Variants in PKP4 observed in about 807,000 individuals in gnomAD.
PKP4 encodes the protein plakophilin-4.
Under a neutral mutation model 145.1 loss-of-function variants are expected in PKP4, and 90 were observed. That is an observed-to-expected ratio of 0.62 (90% CI 0.52 to 0.74). The LOEUF (loss-of-function observed/expected upper bound fraction) is 0.74. PKP4 is among the 30% of genes least tolerant of loss of function. PKP4 has a pLI of 0.00. For synonymous variants in PKP4, 563 were observed against 577.2 expected, an observed-to-expected ratio of 0.98 and a Z score of 0.35; for missense variants, 1,340 against 1,482.7, an observed-to-expected ratio of 0.90 and a Z score of 1.58.
chr2:158,570,287 A>G (rs2047314667), intron 2 of PKP4, among the ~76,000 whole-genome samples: 1 of 152,206 alleles, frequency 6.6e-6, no homozygotes, highest in African/African-American at 2.4e-5. Context: ...GTAGTTCTTA[A>G]ATATTTGTTT....
rs559123832 is a variant in PKP4 at position 158,614,587 on chromosome 2, A to G, written c.281-6403A>G. Among the ~76,000 whole-genome samples, 6 of 152,332 alleles carry G rather than the reference A, an allele frequency of 3.9e-5. No individual in the cohort carries two copies. The South Asian group carries it at 1.0e-3, about 26-fold the overall frequency. ...AGTTTAGAACGATAGATGTCTCAAT[A>G]TGTTTATCGTGGGCCACCACCAAAT... On this transcript the variant is annotated intron_variant, in intron 4 of 21. Coordinates refer to ENST00000389759, the MANE Select transcript of PKP4 (RefSeq NM_003628.6).
At chr2:158,548,225 A>G (rs1004309948) in intron 2 of PKP4, among the ~76,000 whole-genome samples, 1 of 152,222 alleles carries the variant, frequency 6.6e-6, no homozygotes, top group Admixed American at 6.5e-5. Context: ...TGGAAATAAC[A>G]TCTTATGCTT....
intron 1 of PKP4, among the ~76,000 whole-genome samples, chr2:158,484,114 C>A (rs1693800140): frequency 6.7e-6 from 1 of 148,154 alleles, no homozygotes; most frequent in Non-Finnish European, 1.5e-5. Context: ...GTGGCGCAAT[C>A]TCGGCTCACT....
intron 19 of PKP4, among the ~76,000 whole-genome samples, chr2:158,674,603 A>T (rs538438613): frequency 4.6e-5 from 7 of 152,238 alleles, no homozygotes; most frequent in African/African-American, 1.7e-4. Context: ...TTGATTTTTA[A>T]GTTGGGAATC....
Position 158,640,748 on chromosome 2 carries a change from G to C in PKP4, c.1684G>C (p.Val562Leu). Residue 562 changes from valine to leucine, a missense_variant, in exon 10 of 22, where the codon GTG (valine) becomes CTG (leucine). Physicochemically the swap from Val to Leu is conservative, Grantham distance 32. Transcript: ENST00000389759. ...LQHLCFGDNK[V>L]KMEVCRLGGI... is the part of the protein sequence containing the mutation. ...GCACCTGTGCTTTGGTGACAACAAA[G>C]TGAAGATGGAGGTACAGGACATGGT... 6.2e-7 allele frequency: 1 copy of C among 1,614,132 alleles called. No individual in the cohort carries two copies. The highest frequency in any genetic ancestry group is 8.5e-7 in the Non-Finnish European group (1 of 1,179,978).
intron 2 of PKP4, among the ~76,000 whole-genome samples, chr2:158,543,539 A>G (rs563549936): frequency 1.3e-5 from 2 of 152,346 alleles, no homozygotes; most frequent in Non-Finnish European, 2.9e-5. Flanking sequence ...GCTTTCAGTC[A>G]TCAAGAAAAG....
At chr2:158,662,324 T>C (rs1231617223) in intron 13 of PKP4, 1 of 152,248 alleles carries the variant, frequency 6.6e-6, no homozygotes, top group African/African-American at 2.4e-5. Flanking sequence ...AATGCTGAAC[T>C]TGGTTTTAGA....
intron 2 of PKP4, among the ~76,000 whole-genome samples, chr2:158,565,435 C>CT (rs10690465): frequency 0.035 from 4,737 of 135,718 alleles, 188 homozygotes; most frequent in East Asian, 0.14. Flanking sequence ...TTCTTTTTTC[C>CT]TTTTTTTTTT....
rs779003658 is a variant in PKP4 at position 158,625,129 on chromosome 2, A to G, written c.855A>G (p.Ile285Met). Reference protein sequence around the residue: ...YSQRPASPTAIRRIGSVTSRQ... With the variant: ...YSQRPASPTAMRRIGSVTSRQ... ...AGAGACCCGCCTCCCCAACAGCTAT[A>G]CGGCGGATTGGGTCAGTCACCTCCC... The change falls in exon 7 of 22, where the codon ATA becomes ATG. Residue 285 changes from isoleucine to methionine, a missense_variant. Ile to Met is a conservative substitution (Grantham distance 10). Transcript: ENST00000389759. 6.2e-7 allele frequency: 1 copy of G among 1,614,112 alleles called. No individual in the cohort carries two copies. The highest frequency in any genetic ancestry group is 1.1e-5 in the South Asian group (1 of 91,082).
chr2:158,629,063 A>T (rs1029087478), intron 7 of PKP4, among the ~76,000 whole-genome samples: 1 of 152,266 alleles, frequency 6.6e-6, no homozygotes, highest in Admixed American at 6.5e-5. Flanking sequence ...CATGGGCTCC[A>T]TAAAGAAATA....
intron 4 of PKP4, among the ~76,000 whole-genome samples, chr2:158,607,809 T>A (rs1325850786): frequency 6.6e-6 from 1 of 152,108 alleles, no homozygotes; most frequent in Non-Finnish European, 1.5e-5. Flanking sequence ...ATTTACAGTC[T>A]AGAGAGAATG....
chr2:158,564,953 A>C (rs2046851284), intron 2 of PKP4, among the ~76,000 whole-genome samples: 1 of 152,224 alleles, frequency 6.6e-6, no homozygotes, highest in Admixed American at 6.5e-5. Context: ...AATAAAGTCA[A>C]TTACAGTTCT....
chr2:158,649,144 A>G (rs1193368891), intron 11 of PKP4, among the ~76,000 whole-genome samples: 2 of 152,230 alleles, frequency 1.3e-5, no homozygotes, highest in Admixed American at 6.5e-5. Context: ...CCAATTCTCA[A>G]TTGGTAGAGA....
intron 9 of PKP4, among the ~76,000 whole-genome samples, chr2:158,635,699 AGT>A (rs1265328526): frequency 1.3e-5 from 2 of 152,166 alleles, no homozygotes; most frequent in Non-Finnish European, 2.9e-5. Context: ...AGCTATTCAT[AGT>A]GTGATAATTT....
intron 3 of PKP4, among the ~76,000 whole-genome samples, chr2:158,591,651 A>G (rs746591722): frequency 6.6e-6 from 1 of 152,078 alleles, no homozygotes. Flanking sequence ...CATAATTTCA[A>G]TGTTTATAAG....
intron 1 of PKP4, among the ~76,000 whole-genome samples, chr2:158,464,555 G>T (rs1690289295): frequency 6.6e-6 from 1 of 152,198 alleles, no homozygotes; most frequent in Non-Finnish European, 1.5e-5. Flanking sequence ...CTTTGCTAAT[G>T]CAATAAGCAC....
rs116732898 is a variant in PKP4, at chr2:158,499,691, A to G, written c.-5-33489A>G. On this transcript the variant is annotated intron_variant, in intron 1 of 21. Coordinates refer to ENST00000389759, the MANE Select transcript of PKP4 (RefSeq NM_003628.6). ...CCTTGCTTCAATGGCAGCGTGTTCT[A>G]AGTCATGCCATTTTACTTAGTCTTC... 4.3e-3 allele frequency among the ~76,000 whole-genome samples: 662 copies of G among 152,292 alleles called. 2 individuals carry two copies. Among genetic ancestry groups the G allele is most frequent in the Non-Finnish European group, 7.7e-3 (522 of 68,014 alleles).
intron 2 of PKP4, among the ~76,000 whole-genome samples, chr2:158,551,770 G>GA (rs1269314399): frequency 1.3e-5 from 2 of 152,086 alleles, no homozygotes; most frequent in African/African-American, 4.8e-5. Context: ...ATTCGTAAGT[G>GA]AAAAAATCAA....
At chr2:158,614,277 A>G (rs950915666) in intron 4 of PKP4, among the ~76,000 whole-genome samples, 3 of 152,210 alleles carry the variant, frequency 2.0e-5, no homozygotes, top group African/African-American at 7.2e-5. Context: ...TATGTTTAAA[A>G]CTTCAATTAC....
Sources: allele counts gnomAD v4.1 joint callset (sites outside exome capture counted in the v4.1 genomes callset), GRCh38; gene constraint gnomAD v4.1.1; transcripts MANE v1.5; gene names NCBI Gene and HGNC (gene_info 2026-07-23, HGNC 2026-07-21).